AP2S1: variants seen among roughly 807,000 people sequenced by gnomAD.
The protein encoded by AP2S1 is adaptor related protein complex 2 subunit sigma 1.
A neutral mutation model predicts 21.0 loss-of-function variants in AP2S1; 6 were observed. The ratio of observed to expected loss-of-function variants is 0.29; its 90% CI spans 0.16 to 0.56. The LOEUF is 0.56. Among genes scored for constraint, AP2S1 ranks in the 20% least tolerant of loss-of-function variants. The pLI, the probability that AP2S1 is intolerant of heterozygous loss-of-function variation, is 0.92. For missense variants in AP2S1, 60 were observed against 186.2 expected, an observed-to-expected ratio of 0.32 and a Z score of 3.95; for synonymous variants, 63 against 74.6, an observed-to-expected ratio of 0.84 and a Z score of 0.80.
At chr19:46,840,617 G>T (rs1401417989) in intron 2 of AP2S1, among the ~76,000 whole-genome samples, 1 of 151,912 alleles carries the variant, frequency 6.6e-6, no homozygotes, top group Non-Finnish European at 1.5e-5. Context: ...TCCAGCCCGG[G>T]AGACCCTGTC....
chr19:46,850,537 A>G, intron 1 of AP2S1: 7 of 618,298 alleles, frequency 1.1e-5, no homozygotes, highest in Non-Finnish European at 1.9e-5. Flanking sequence ...TCCCCTTGGA[A>G]CACCACCCCC....
At chr19:46,846,180 G>A (rs2055629484) in intron 1 of AP2S1, 38 bp from the exon 2 acceptor site, 2 of 1,611,350 alleles carry the variant, frequency 1.2e-6, no homozygotes, top group Admixed American at 1.7e-5. Flanking sequence ...AGTGAGAGAG[G>A]CAGAGAGGGC....
chr19:46,840,433 G>C (rs1045752607), intron 2 of AP2S1, among the ~76,000 whole-genome samples: 1 of 149,704 alleles, frequency 6.7e-6, no homozygotes, highest in Non-Finnish European at 1.5e-5. Context: ...TTGAGCCCAG[G>C]AGTTTCAGGC....
chr19:46,850,727 C>A (rs777744561), intron 1 of AP2S1, 37 bp downstream of exon 1: 3 of 1,522,158 alleles, frequency 2.0e-6, no homozygotes, highest in Non-Finnish European at 2.7e-6. Flanking sequence ...CGTGGGCCCC[C>A]CCTCCGCCAG....
chr19:46,842,758 A>G (rs191762518), intron 2 of AP2S1, among the ~76,000 whole-genome samples: 1 of 152,158 alleles, frequency 6.6e-6, no homozygotes, highest in African/African-American at 2.4e-5. Context: ...TGACACCACC[A>G]GTGACCTCCT....
intron 3 of AP2S1, 151 bp downstream of exon 3, chr19:46,839,314 A>AG: frequency 1.4e-6 from 1 of 711,966 alleles, no homozygotes; most frequent in Non-Finnish European, 2.1e-6. Flanking sequence ...AAAAAAAAAA[A>AG]AAAGAAAAAG....
chr19:46,838,863 G>A lies in AP2S1; in HGVS notation c.268-64C>T, dbSNP rs1227692385. ...GAGAGAGCCACACACGCACAGAGAT[G>A]GGAACAAGGTCATCAGAAAGAGACA... On this transcript the variant is annotated intron_variant, in intron 3 of 4. Transcript: ENST00000263270. This position sits in a 1 kb window ranked among gnomAD's most constrained non-coding sequence, Gnocchi z 4.1. 2 of 1,474,810 alleles carry A rather than the reference G, an allele frequency of 1.4e-6. No homozygotes were observed. Among genetic ancestry groups the A allele is most frequent in the Non-Finnish European group, 9.5e-7 (1 of 1,056,814 alleles). The allele number at this position is 1,474,810 out of a possible 1,614,324, so 91.4% of individuals were successfully genotyped here.
At chr19:46,848,701 C>G (rs1301516310) in intron 1 of AP2S1, among the ~76,000 whole-genome samples, 5 of 152,134 alleles carry the variant, frequency 3.3e-5, no homozygotes, top group African/African-American at 1.2e-4. Context: ...AGAGAGCCCT[C>G]TAGTCCTGTC....
At chr19:46,850,285 C>T in intron 1 of AP2S1, 1 of 1,235,608 alleles carries the variant, frequency 8.1e-7, no homozygotes, top group Non-Finnish European at 1.0e-6. Flanking sequence ...CATCCCCTCT[C>T]CACCTGCAAT....
At position 46,839,510 on chromosome 19, in the gene AP2S1, A is replaced by G; in HGVS notation, c.222T>C (p.Asn74=). The change falls in exon 3 of 5, where the codon AAT becomes AAC. Residue 74 remains asparagine, a synonymous_variant. Coordinates refer to ENST00000263270, the MANE Select transcript of AP2S1 (RefSeq NM_004069.6). ...CCTCCAGGTAAGCCAGGTTGTTGTC[A>G]TTGACATCCACACAGATGCAGAAGT... ...GLYFCICVDV[N]DNNLAYLEAI... 2.5e-6 allele frequency: 4 copies of G among 1,609,162 alleles called. No individual in the cohort carries two copies. Among genetic ancestry groups the G allele is most frequent in the Non-Finnish European group, 3.4e-6 (4 of 1,177,930 alleles).
intron 1 of AP2S1, 25 bp from the exon 2 acceptor site, chr19:46,846,167 G>A (rs575567597): frequency 1.2e-6 from 2 of 1,613,322 alleles, no homozygotes; most frequent in South Asian, 1.1e-5. Flanking sequence ...AGGAGAAGGA[G>A]GAAGTGAGAG....
At chr19:46,839,656 C>A in intron 2 of AP2S1, 78 bp from the exon 3 acceptor site, 1 of 1,602,724 alleles carries the variant, frequency 6.2e-7, no homozygotes, top group African/African-American at 1.3e-5. Flanking sequence ...AAAACATTCA[C>A]TCCTTCACTC....
At chr19:46,839,439 C>CCCCAGAAA in intron 3 of AP2S1, 26 bp downstream of exon 3, 1 of 1,569,706 alleles carries the variant, frequency 6.4e-7, no homozygotes, top group Non-Finnish European at 8.7e-7. Context: ...CCCGCCTCCC[C>CCCCAGAAA]ACCTTACATC....
intron 1 of AP2S1, among the ~76,000 whole-genome samples, chr19:46,846,521 C>T (rs2055637947): frequency 6.6e-6 from 1 of 150,800 alleles, no homozygotes; most frequent in African/African-American, 2.4e-5. Flanking sequence ...AGCAATTCTC[C>T]CACCTCGGCC....
chr19:46,839,720 C>T, intron 2 of AP2S1, 142 bp from the exon 3 acceptor site: 2 of 1,405,902 alleles, frequency 1.4e-6, no homozygotes, highest in Non-Finnish European at 1.9e-6. Flanking sequence ...GGGGTCACAG[C>T]AGTGACCGAG....
At chr19:46,843,301 G>A (rs955669482) in intron 2 of AP2S1, among the ~76,000 whole-genome samples, 1 of 152,114 alleles carries the variant, frequency 6.6e-6, no homozygotes, top group Non-Finnish European at 1.5e-5. Flanking sequence ...ACCTCTCTCC[G>A]AGCAGTCTCC....
intron 3 of AP2S1, 58 bp downstream of exon 3, chr19:46,839,407 G>A: frequency 6.3e-7 from 1 of 1,589,756 alleles, no homozygotes; most frequent in African/African-American, 1.3e-5. Flanking sequence ...CCAGGCCTTG[G>A]GGGCCACTCC....
In AP2S1 at chr19:46,838,335, C is replaced by A. The variant is rs1215216514; in HGVS notation, c.*112G>T. 23 of 1,054,046 alleles carry A rather than the reference C, an allele frequency of 2.2e-5. No homozygotes were observed. Among genetic ancestry groups the A allele is most frequent in the African/African-American group, 4.7e-5 (3 of 63,506 alleles). 65.3% of individuals were successfully genotyped at this position (1,054,046 alleles called of 1,614,324 possible). On this transcript the variant is annotated 3_prime_UTR_variant, in exon 5 of 5. Coordinates refer to ENST00000263270, the MANE Select transcript of AP2S1 (RefSeq NM_004069.6). This position sits in a 1 kb window ranked among gnomAD's most constrained non-coding sequence, Gnocchi z 4.1. ...TTGTGGCCCAGACCCAGCTGGGTCC[C>A]TTCCTCCTAGGCAGCTGAGGGAAGG...
intron 2 of AP2S1, 118 bp downstream of exon 2, chr19:46,845,875 G>C: frequency 7.4e-7 from 1 of 1,342,844 alleles, no homozygotes; most frequent in Non-Finnish European, 1.0e-6. Context: ...CAGGTTGAGT[G>C]AATGATATAG....
Sources: gnomAD v4.1 joint callset for allele counts (sites outside exome capture counted in the v4.1 genomes callset) on GRCh38, gnomAD v4.1.1 for gene constraint, Gnocchi (gnomAD v3.1) non-coding constraint, MANE v1.5 for transcripts, NCBI Gene and HGNC (gene_info 2026-07-23, HGNC 2026-07-21) for gene names.